ANKRD28: variants seen among roughly 807,000 people sequenced by gnomAD.
The protein encoded by ANKRD28 is serine/threonine-protein phosphatase 6 regulatory ankyrin repeat subunit A.
ANKRD28 carries 44 observed loss-of-function variants against 126.5 expected under a neutral mutation model. The ratio of observed to expected loss-of-function variants is 0.35; its 90% confidence interval spans 0.27 to 0.45. The LOEUF is 0.45. Among genes scored for constraint, ANKRD28 ranks in the 20% least tolerant of loss-of-function variants. The pLI, the probability that ANKRD28 is intolerant of heterozygous loss-of-function variation, is 1.00. For missense variants in ANKRD28, 1,110 were observed against 1,316.6 expected (o/e 0.84, Z 2.43); for synonymous variants, 442 against 468.5 (o/e 0.94, Z 0.73).
rs1237322111 is a variant in ANKRD28, at chr3:15,838,054, C to CTCTGAAA, written c.27+21322_27+21323insTTTCAGA. Among the ~76,000 whole-genome samples, 3 of 152,016 alleles carry CTCTGAAA rather than the reference C, an allele frequency of 2.0e-5. No individual in the cohort carries two copies. The highest frequency in any genetic ancestry group is 2.9e-5 in the Non-Finnish European group (2 of 67,968). On this transcript the variant is annotated intron_variant, in intron 1 of 27. Coordinates refer to the ANKRD28 transcript ENST00000399451. The surrounding 1 kb of genome is among the most constrained non-coding windows in gnomAD (Gnocchi z 4.0). ...ACTTAGAAAAAAATAAATTCTAAGA[C>CTCTGAAA]ACAAATTACTGACTCTGAAGAAGAT...
chr3:15,669,775 T>C lies in ANKRD28; in HGVS notation c.*495A>G, dbSNP rs1415431251. On this transcript the variant is annotated 3_prime_UTR_variant, in exon 28 of 28. Coordinates refer to ENST00000683139, the MANE Select transcript of ANKRD28 (RefSeq NM_001349278.2). ...TTGGTTTAGGTAATGTTTCATTTAA[T>C]CTACTCCAGTTTCCACAAAATGGCA... 1 of 152,894 alleles carries C rather than the reference T, an allele frequency of 6.5e-6. No individual in the cohort carries two copies. Among genetic ancestry groups the C allele is most frequent in the Non-Finnish European group, 1.5e-5 (1 of 68,234 alleles). The allele number at this position is 152,894 out of a possible 1,614,324, so 9.5% of individuals were successfully genotyped here.
intron 2 of ANKRD28, among the ~76,000 whole-genome samples, chr3:15,770,429 TTAGA>T (rs995458891): frequency 8.7e-5 from 13 of 150,144 alleles, no homozygotes; most frequent in Non-Finnish European, 1.6e-4. Flanking sequence ...TATATATATA[TTAGA>T]TAGCATTACT....
At chr3:15,673,020 C>G (rs1004124466) in intron 27 of ANKRD28, among the ~76,000 whole-genome samples, 18 of 86 alleles carry the variant, frequency 0.21, no homozygotes, top group African/African-American at 0.38. Flanking sequence ...AGGTGATCCA[C>G]TCGCCTTGTG....
chr3:15,706,886 T>A lies in ANKRD28; in HGVS notation c.1547+1038A>T, dbSNP rs139868515. 4.1e-3 allele frequency among the ~76,000 whole-genome samples: 618 copies of A among 152,290 alleles called. 2 individuals are homozygous for A. The highest frequency in any genetic ancestry group is 0.023 in the East Asian group (118 of 5,180). ...TGTGTCTGTTGGCTGCATAAATGTCTTCTTTAGAGAAGTGTCTGTTCATAT... is the reference window on the plus strand; with the variant it reads ...TGTGTCTGTTGGCTGCATAAATGTCATCTTTAGAGAAGTGTCTGTTCATAT... On this transcript the variant is annotated intron_variant, in intron 14 of 27. Coordinates refer to ENST00000683139, the MANE Select transcript of ANKRD28 (RefSeq NM_001349278.2).
chr3:15,786,610 T>C (rs1241930975), intron 2 of ANKRD28, among the ~76,000 whole-genome samples: 2 of 152,066 alleles, frequency 1.3e-5, no homozygotes, highest in Non-Finnish European at 2.9e-5. Context: ...ATATATGCAG[T>C]TTATTATACA....
At chr3:15,718,020 T>G (rs2073273254) in intron 8 of ANKRD28, among the ~76,000 whole-genome samples, 1 of 152,202 alleles carries the variant, frequency 6.6e-6, no homozygotes, top group African/African-American at 2.4e-5. Context: ...GTAAATCAAA[T>G]TTTTATAATA....
Position 15,713,595 on chromosome 3 carries a change from G to A in ANKRD28, c.1122C>T (p.His374=), listed in dbSNP as rs2072609459. ...GCTCATGGCCATACCGTGCTGCTATGTGCAAAGGGGTATTTCCATTCTTAT... is the reference window on the plus strand; with the variant it reads ...GCTCATGGCCATACCGTGCTGCTATATGCAAAGGGGTATTTCCATTCTTAT... ...CEDKNGNTPL[H]IAARYGHELL... The change falls in exon 10 of 28, where the codon CAC becomes CAT. Residue 374 remains histidine (H), a synonymous_variant. Coordinates refer to ENST00000683139, the MANE Select transcript of ANKRD28 (RefSeq NM_001349278.2). 1 of 1,610,200 alleles carries A rather than the reference G, an allele frequency of 6.2e-7. No individual in the cohort carries two copies. The highest frequency in any genetic ancestry group is 1.7e-5 in the Admixed American group (1 of 58,862).
chr3:15,681,424 T>A (rs1310226616), intron 21 of ANKRD28, among the ~76,000 whole-genome samples: 1 of 152,198 alleles, frequency 6.6e-6, no homozygotes, highest in Admixed American at 6.5e-5. Context: ...AAATCCAAAT[T>A]TCAAATTTTC....
intron 12 of ANKRD28, among the ~76,000 whole-genome samples, chr3:15,710,573 G>C (rs1237371676): frequency 6.6e-6 from 1 of 152,160 alleles, no homozygotes; most frequent in Non-Finnish European, 1.5e-5. Context: ...AATTATCATT[G>C]AGAATAACGT....
At chr3:15,844,665 A>G (rs2061493499) in intron 1 of ANKRD28, among the ~76,000 whole-genome samples, 2 of 152,208 alleles carry the variant, frequency 1.3e-5, no homozygotes, top group African/African-American at 2.4e-5. Flanking sequence ...TCTAAAACCA[A>G]TAATACACCA....
chr3:15,835,391 G>A (rs898646919), intron 1 of ANKRD28, among the ~76,000 whole-genome samples: 1 of 152,128 alleles, frequency 6.6e-6, no homozygotes, highest in Admixed American at 6.5e-5. Context: ...ACAGCTATTT[G>A]GATATAAATA....
At chr3:15,716,944 A>G (rs2073147561) in intron 8 of ANKRD28, among the ~76,000 whole-genome samples, 1 of 152,186 alleles carries the variant, frequency 6.6e-6, no homozygotes, top group Admixed American at 6.5e-5. Context: ...GCTGGTCAAC[A>G]GAGTGAGATT....
chr3:15,788,837 A>T (rs1397128868), intron 2 of ANKRD28, among the ~76,000 whole-genome samples: 1 of 152,098 alleles, frequency 6.6e-6, no homozygotes, highest in African/African-American at 2.4e-5. Context: ...TAGAATTTTT[A>T]GAGTGTCCTG....
chr3:15,826,678 T>G (rs1468818160), intron 1 of ANKRD28, among the ~76,000 whole-genome samples: 1 of 152,224 alleles, frequency 6.6e-6, no homozygotes, highest in Non-Finnish European at 1.5e-5. Flanking sequence ...TTATCCTGTG[T>G]GTCTGAACAT....
intron 7 of ANKRD28, among the ~76,000 whole-genome samples, chr3:15,722,937 A>C (rs558222401): frequency 1.8e-4 from 28 of 152,204 alleles, no homozygotes; most frequent in African/African-American, 3.9e-4. Flanking sequence ...TAAAAAAAAA[A>C]CAAAAAACAA....
chr3:15,804,685 G>A (rs2060539402), intron 1 of ANKRD28, among the ~76,000 whole-genome samples: 1 of 145,448 alleles, frequency 6.9e-6, no homozygotes, highest in African/African-American at 2.6e-5. Context: ...TGGTCATTGA[G>A]GTGGTTACAG....
intron 17 of ANKRD28, among the ~76,000 whole-genome samples, chr3:15,693,752 CA>C (rs2069138963): frequency 6.6e-6 from 1 of 151,984 alleles, no homozygotes; most frequent in Admixed American, 6.6e-5. Flanking sequence ...TCCAAGGACT[CA>C]AAGGGCAAAG....
chr3:15,737,541 C>T (rs1037125079), intron 4 of ANKRD28, among the ~76,000 whole-genome samples: 7 of 12,448 alleles, frequency 5.6e-4, no homozygotes, highest in South Asian at 5.0e-3. Context: ...CATAGCTCAC[C>T]GTAACTTCAA....
chr3:15,716,018 T>C (rs1488219160), intron 8 of ANKRD28, among the ~76,000 whole-genome samples: 1 of 151,874 alleles, frequency 6.6e-6, no homozygotes, highest in Non-Finnish European at 1.5e-5. Flanking sequence ...AGACTTGCTT[T>C]GTTGCCCAGG....
Sources: allele counts gnomAD v4.1 joint callset (sites outside exome capture counted in the v4.1 genomes callset), GRCh38; gene constraint gnomAD v4.1.1; non-coding constraint Gnocchi (gnomAD v3.1); transcripts MANE v1.5; gene names NCBI Gene and HGNC (gene_info 2026-07-23, HGNC 2026-07-21).